The following DGKB variants were observed in gnomAD, a reference collection of about 807,000 sequenced individuals.
DGKB encodes the protein diacylglycerol kinase beta.
A neutral mutation model predicts 114.3 loss-of-function variants in DGKB; 67 were observed. The observed-to-expected ratio is 0.59, with a 90% CI of 0.48 to 0.72. The LOEUF (loss-of-function observed/expected upper bound fraction) is 0.72, where lower values mean the gene tolerates loss of function less well. DGKB is among the 30% of genes least tolerant of loss of function. The pLI is 0.00. For synonymous variants in DGKB, 398 were observed against 323.1 expected, an observed-to-expected ratio of 1.23 and a Z score of -2.49; for missense variants, 907 against 975.2, an observed-to-expected ratio of 0.93 and a Z score of 0.93.
intron 20 of DGKB, among the ~76,000 whole-genome samples, chr7:14,520,686 C>G (rs1243493313): frequency 6.6e-6 from 1 of 151,806 alleles, no homozygotes; most frequent in Non-Finnish European, 1.5e-5. Context: ...CAGAGCAACA[C>G]CTAGTATGAT....
At position 14,558,484 on chromosome 7, in the gene DGKB, G is replaced by T. The variant is rs182671559; in HGVS notation, c.1770+15728C>A. 2.6e-5 allele frequency among the ~76,000 whole-genome samples: 4 copies of T among 151,584 alleles called. No individual in the cohort carries two copies. In the East Asian group the frequency reaches 7.8e-4, roughly 30 times the overall value. ...TAAGATTTTTAGACCAACTTTTTGC[G>T]TACTTGTAATATGACTGAATTATAT... On this transcript the variant is annotated intron_variant, in intron 20 of 25. Transcript: ENST00000402815.
chr7:14,818,681 T>C (rs1198791193), intron 2 of DGKB, among the ~76,000 whole-genome samples: 1 of 152,210 alleles, frequency 6.6e-6, no homozygotes, highest in Non-Finnish European at 1.5e-5. Flanking sequence ...GTCAGATTAG[T>C]TTATCAGTCA....
At chr7:14,349,428 G>A (rs1246894359) in intron 21 of DGKB, among the ~76,000 whole-genome samples, 1 of 152,058 alleles carries the variant, frequency 6.6e-6, no homozygotes, top group African/African-American at 2.4e-5. Context: ...ATTATTCCCT[G>A]TATTTCCATT....
intron 5 of DGKB, among the ~76,000 whole-genome samples, chr7:14,735,478 C>A (rs1327935694): frequency 6.6e-6 from 1 of 152,086 alleles, no homozygotes; most frequent in Non-Finnish European, 1.5e-5. Flanking sequence ...ACAGTGAAAT[C>A]TCTGTTTTCT....
At position 14,910,019 on chromosome 7, in the gene DGKB, T is replaced by C. The variant is rs59940541; in HGVS notation, c.-188+64677A>G. On this transcript the variant is annotated intron_variant, in intron 1 of 4. Coordinates refer to the DGKB transcript ENST00000437998. ...GTCAGGAGTTCGAGACCAGCCTGGC[T>C]AACATGGTGAAACCTTGCCTCCACT... Among the ~76,000 whole-genome samples, 966 of 151,918 alleles carry C rather than the reference T, an allele frequency of 6.4e-3. 12 individuals are homozygous for C. The highest frequency in any genetic ancestry group is 0.021 in the African/African-American group (881 of 41,464).
intron 13 of DGKB, among the ~76,000 whole-genome samples, chr7:14,642,978 G>T (rs545334859): frequency 4.6e-5 from 7 of 151,942 alleles, no homozygotes; most frequent in African/African-American, 1.5e-4. Context: ...AAGATTTCCC[G>T]ACACCATCAA....
chr7:14,205,358 G>T (rs1786602528), intron 23 of DGKB, among the ~76,000 whole-genome samples: 1 of 151,738 alleles, frequency 6.6e-6, no homozygotes, highest in African/African-American at 2.4e-5. Flanking sequence ...CATCTTCTCT[G>T]CTTGGACCAT....
At chr7:14,722,987 C>G (rs1027767722) in intron 5 of DGKB, among the ~76,000 whole-genome samples, 1 of 137,514 alleles carries the variant, frequency 7.3e-6, no homozygotes, top group Non-Finnish European at 1.5e-5. Flanking sequence ...TTTTTACACC[C>G]TACTCTACCC....
In DGKB at chr7:14,241,547, T is replaced by C. The variant is rs192991914; in HGVS notation, c.2123-63396A>G. ...AAATCAGCTGACTTTAAGTAGCTTA[T>C]AAATACTAAATAAAAATATATTGCA... On this transcript the variant is annotated intron_variant, in intron 23 of 25. Transcript: ENST00000402815. 8.5e-4 allele frequency among the ~76,000 whole-genome samples: 129 copies of C among 152,212 alleles called. 1 individual carries two copies. The highest frequency in any genetic ancestry group is 3.0e-3 in the African/African-American group (126 of 41,568).
chr7:14,483,170 CT>C (rs369447211), intron 20 of DGKB, among the ~76,000 whole-genome samples: 1 of 151,994 alleles, frequency 6.6e-6, no homozygotes, highest in Non-Finnish European at 1.5e-5. Flanking sequence ...AACCTGGTAA[CT>C]TTTTTTACAG....
chr7:14,169,891 T>C (rs1385178045), intron 25 of DGKB, among the ~76,000 whole-genome samples: 2 of 151,988 alleles, frequency 1.3e-5, no homozygotes, highest in Non-Finnish European at 2.9e-5. Flanking sequence ...TCCCAGCACT[T>C]TGGGCAGCCA....
rs192918039 is a variant in DGKB, at chr7:14,909,050, G to A, written c.-188+65646C>T. 2.7e-3 allele frequency among the ~76,000 whole-genome samples: 408 copies of A among 152,258 alleles called. 2 individuals are homozygous for A. Among genetic ancestry groups the A allele is most frequent in the African/African-American group, 9.5e-3 (393 of 41,556 alleles). The stretch of plus-strand genomic sequence containing the variant: ...AATATGGATATTAAAATAATAAAAT[G>A]TGTGGGTAAAATAGAAAGGCTCATT... On this transcript the variant is annotated intron_variant, in intron 1 of 4. Coordinates refer to the DGKB transcript ENST00000437998.
chr7:14,595,754 G>C (rs925883114), intron 17 of DGKB, among the ~76,000 whole-genome samples: 5 of 151,598 alleles, frequency 3.3e-5, no homozygotes, highest in African/African-American at 1.2e-4. Context: ...TTTTTATATG[G>C]TAATTTAAAA....
intron 21 of DGKB, among the ~76,000 whole-genome samples, chr7:14,387,881 CTTTTTT>C (rs11448628): frequency 1.7e-5 from 2 of 117,874 alleles, no homozygotes; most frequent in Admixed American, 8.9e-5. Flanking sequence ...GTGTCCTTTT[CTTTTTT>C]TTTTTTTTTT....
At position 14,199,798 on chromosome 7, in the gene DGKB, T is replaced by C. The variant is rs369210618; in HGVS notation, c.2123-21647A>G. ...AAGATTTCTGAAATAAAAGGAGTAG[T>C]GACAACGAAGTATACAATTTCTTAG... On this transcript the variant is annotated intron_variant, in intron 23 of 25. Transcript: ENST00000402815. Among the ~76,000 whole-genome samples, 517 of 152,170 alleles carry C rather than the reference T, an allele frequency of 3.4e-3. 23 individuals are homozygous for C. In the South Asian group the frequency reaches 0.1, roughly 30 times the overall value.
rs1235403377 is a variant in DGKB, at chr7:14,338,583, A to C, written c.2054T>G (p.Ile685Arg). ...ESKKRRSHRRIEKKGSDKRTT... is the reference protein window; with the variant it reads ...ESKKRRSHRRREKKGSDKRTT... ...CCTTTTGTCAGACCCTTTTTTCTCT[A>C]TTCGTCGATGGCTTCGTCTTTTCTT... Residue 685 changes from isoleucine (I) to arginine (R), a missense_variant, in exon 23 of 26, where the codon ATA becomes AGA. Transcript: ENST00000402815. 1 of 1,609,270 alleles carries C rather than the reference A, an allele frequency of 6.2e-7. No homozygotes were observed. The highest frequency in any genetic ancestry group is 8.5e-7 in the Non-Finnish European group (1 of 1,177,642).
At chr7:14,293,997 A>G (rs1802145250) in intron 23 of DGKB, among the ~76,000 whole-genome samples, 1 of 152,192 alleles carries the variant, frequency 6.6e-6, no homozygotes, top group Admixed American at 6.5e-5. Flanking sequence ...AAAGTCAACA[A>G]GAGGTCTCTC....
chr7:14,454,136 A>G (rs901371259), intron 21 of DGKB, among the ~76,000 whole-genome samples: 2 of 152,096 alleles, frequency 1.3e-5, no homozygotes, highest in Non-Finnish European at 2.9e-5. Flanking sequence ...CAACTTTTCT[A>G]GTGTTAGAAC....
At chr7:14,950,884 G>A (rs992685515) in intron 1 of DGKB, among the ~76,000 whole-genome samples, 1 of 151,648 alleles carries the variant, frequency 6.6e-6, no homozygotes. Context: ...ACAGAAAGTT[G>A]ATTATACACC....
Sources: gnomAD v4.1 joint callset for allele counts (sites outside exome capture counted in the v4.1 genomes callset) on GRCh38, gnomAD v4.1.1 for gene constraint, MANE v1.5 for transcripts, NCBI Gene and HGNC (gene_info 2026-07-23, HGNC 2026-07-21) for gene names.